SLC4A4: variants seen among roughly 807,000 people sequenced by gnomAD.
SLC4A4 encodes the protein electrogenic sodium bicarbonate cotransporter 1.
A neutral mutation model predicts 111.5 loss-of-function variants in SLC4A4; 27 were observed. That is an observed-to-expected ratio of 0.24 (90% CI 0.18 to 0.33). The LOEUF (loss-of-function observed/expected upper bound fraction) is 0.33, where lower values mean the gene tolerates loss of function less well. SLC4A4 is among the 10% of genes least tolerant of loss of function. The pLI, the probability that SLC4A4 is intolerant of heterozygous loss-of-function variation, is 1.00. For synonymous variants in SLC4A4, 443 were observed against 463.4 expected, an observed-to-expected ratio of 0.96 and a Z score of 0.57; for missense variants, 909 against 1,315.5, an observed-to-expected ratio of 0.69 and a Z score of 4.78.
chr4:71,209,899 G>C (rs1373694375), intron 1 of SLC4A4, among the ~76,000 whole-genome samples: 3 of 152,098 alleles, frequency 2.0e-5, no homozygotes, highest in Non-Finnish European at 2.9e-5. Context: ...TTTTTATTTG[G>C]TTGTATGTTA....
chr4:71,371,018 G>T (rs1197328214), intron 6 of SLC4A4, among the ~76,000 whole-genome samples: 3 of 152,048 alleles, frequency 2.0e-5, no homozygotes, highest in Admixed American at 2.0e-4. Flanking sequence ...CTTCCCTAGG[G>T]CTTCTAATAC....
intron 23 of SLC4A4, among the ~76,000 whole-genome samples, chr4:71,562,784 AT>A (rs1029208597): frequency 6.7e-6 from 1 of 149,540 alleles, no homozygotes; most frequent in Non-Finnish European, 1.5e-5. Flanking sequence ...TGGCATCTTT[AT>A]TTTTTTTTCT....
chr4:71,543,519 T>C (rs1296044967), intron 18 of SLC4A4, among the ~76,000 whole-genome samples: 1 of 152,118 alleles, frequency 6.6e-6, no homozygotes, highest in African/African-American at 2.4e-5. Context: ...TTATAGTCCA[T>C]CATCTAAAAT....
At chr4:71,164,615 G>A (rs1013546161) in intron 2 of SLC4A4, among the ~76,000 whole-genome samples, 33 of 152,042 alleles carry the variant, frequency 2.2e-4, no homozygotes, top group African/African-American at 7.2e-4. Context: ...AGAAAACCTA[G>A]GCAATACCAT....
chr4:71,260,324 A>G (rs1335868686), intron 3 of SLC4A4, among the ~76,000 whole-genome samples: 1 of 152,168 alleles, frequency 6.6e-6, no homozygotes. Context: ...GTACATTTGT[A>G]CTTTTTCTTG....
At chr4:71,465,700 C>T (rs945815969) in intron 12 of SLC4A4, among the ~76,000 whole-genome samples, 3 of 151,764 alleles carry the variant, frequency 2.0e-5, no homozygotes, top group Admixed American at 1.3e-4. Flanking sequence ...CTCGTTGACA[C>T]GTCACCTTTG....
At position 71,453,585 on chromosome 4, in the gene SLC4A4, G is replaced by A. The variant is rs1158151729; in HGVS notation, c.1413G>A (p.Ser471=). Residue 471 remains serine, a synonymous_variant, in exon 12 of 26, where the codon TCG becomes TCA. Coordinates refer to ENST00000264485, the MANE Select transcript of SLC4A4 (RefSeq NM_001098484.3). ...FYDALNIQAL[S]AILFIYLATV... ...ATGCTTTAAATATTCAAGCTCTTTC[G>A]GCAATTCTCTTCATTTATCTGGCAA... is the stretch of plus-strand genomic sequence containing the variant. 14 of 1,613,692 alleles carry A rather than the reference G, an allele frequency of 8.7e-6. No individual in the cohort carries two copies. The highest frequency in any genetic ancestry group is 3.3e-5 in the Admixed American group (2 of 59,970).
chr4:71,238,649 G>C (rs959041515), intron 2 of SLC4A4, among the ~76,000 whole-genome samples: 2 of 152,176 alleles, frequency 1.3e-5, no homozygotes, highest in African/African-American at 4.8e-5. Context: ...AGCCCCATAA[G>C]AAGATTGCTT....
intron 16 of SLC4A4, 29 bp from the exon 17 acceptor site, chr4:71,532,033 G>T (rs375183831): frequency 4.8e-5 from 62 of 1,305,166 alleles, no homozygotes; most frequent in Middle Eastern, 1.8e-4. Flanking sequence ...GGTGCTAAAT[G>T]GTTCCTGGTT....
chr4:71,455,810 C>G lies in SLC4A4; in HGVS notation c.1497+2141C>G, dbSNP rs751180458. Among the ~76,000 whole-genome samples the G allele has an allele frequency of 6.6e-5, 10 of 152,242 alleles. 1 individual carries two copies. The South Asian group carries it at 1.7e-3, about 25-fold the overall frequency. On this transcript the variant is annotated intron_variant, in intron 12 of 25. Coordinates refer to ENST00000264485, the MANE Select transcript of SLC4A4 (RefSeq NM_001098484.3). ...AAGACTTGGCTTTACAATGCTGCAT[C>G]TGACTGTAGAGAAGAAGTCTGTTCA...
intron 3 of SLC4A4, among the ~76,000 whole-genome samples, chr4:71,313,977 C>A (rs868657412): frequency 1.2e-4 from 19 of 152,198 alleles, no homozygotes; most frequent in African/African-American, 3.9e-4. Context: ...CCAGAGTGAA[C>A]AGGCATCCTA....
intron 16 of SLC4A4, among the ~76,000 whole-genome samples, chr4:71,523,832 G>A (rs1413149970): frequency 6.6e-6 from 1 of 152,000 alleles, no homozygotes; most frequent in Non-Finnish European, 1.5e-5. Flanking sequence ...TGATTTATTT[G>A]AGTTTTATCT....
intron 12 of SLC4A4, among the ~76,000 whole-genome samples, chr4:71,459,614 C>T (rs1726629516): frequency 6.6e-6 from 1 of 151,894 alleles, no homozygotes; most frequent in South Asian, 2.1e-4. Flanking sequence ...TTTAGTTTTT[C>T]CCAGTTTTTT....
chr4:71,374,973 C>T (rs1433726516), intron 6 of SLC4A4, among the ~76,000 whole-genome samples: 1 of 152,126 alleles, frequency 6.6e-6, no homozygotes, highest in Non-Finnish European at 1.5e-5. Context: ...TTAGCGTCAA[C>T]TTTGATTAAT....
intron 1 of SLC4A4, among the ~76,000 whole-genome samples, chr4:71,078,818 G>A (rs143258605): frequency 6.6e-6 from 1 of 151,730 alleles, no homozygotes; most frequent in Non-Finnish European, 1.5e-5. Context: ...GTTTTTTATT[G>A]TTTGTTTGTT....
intron 2 of SLC4A4, among the ~76,000 whole-genome samples, chr4:71,238,486 T>C (rs1040239686): frequency 2.0e-5 from 3 of 152,060 alleles, no homozygotes; most frequent in African/African-American, 7.2e-5. Flanking sequence ...AATGTGTTGG[T>C]TTTGTGATGA....
chr4:71,422,871 AG>A (rs1404100663), intron 7 of SLC4A4, among the ~76,000 whole-genome samples: 2 of 152,240 alleles, frequency 1.3e-5, no homozygotes, highest in East Asian at 3.8e-4. Flanking sequence ...ACAAACCCAC[AG>A]CCAATATCAT....
At chr4:71,307,409 G>A (rs998501155) in intron 3 of SLC4A4, among the ~76,000 whole-genome samples, 7 of 152,192 alleles carry the variant, frequency 4.6e-5, no homozygotes, top group Non-Finnish European at 8.8e-5. Flanking sequence ...CACAGGTGTT[G>A]TCTGGTTAAA....
At chr4:71,305,934 T>G (rs1725645947) in intron 3 of SLC4A4, among the ~76,000 whole-genome samples, 2 of 152,208 alleles carry the variant, frequency 1.3e-5, no homozygotes, top group African/African-American at 4.8e-5. Flanking sequence ...GCAATGAAGA[T>G]GAGAAGGCAC....
Sources: gnomAD v4.1 joint callset for allele counts (sites outside exome capture counted in the v4.1 genomes callset) on GRCh38, gnomAD v4.1.1 for gene constraint, MANE v1.5 for transcripts, NCBI Gene and HGNC (gene_info 2026-07-23, HGNC 2026-07-21) for gene names.